Variants in KIF1B observed in about 807,000 individuals in gnomAD.
The protein encoded by KIF1B is kinesin family member 1B.
Under a neutral mutation model 241.9 loss-of-function variants are expected in KIF1B, and 76 were observed. The ratio of observed to expected loss-of-function variants is 0.31; its 90% CI spans 0.26 to 0.38. The LOEUF (loss-of-function observed/expected upper bound fraction) is 0.38. KIF1B is among the 10% of genes least tolerant of loss of function. The pLI, the probability that KIF1B is intolerant of heterozygous loss-of-function variation, is 1.00. For synonymous variants in KIF1B, 750 were observed against 796.7 expected, an observed-to-expected ratio of 0.94 and a Z score of 0.99; for missense variants, 1,622 against 2,271.4, an observed-to-expected ratio of 0.71 and a Z score of 5.81.
In KIF1B at chr1:10,327,053, G is replaced by C. The variant is rs560644130; in HGVS notation, c.2924+694G>C. Among the ~76,000 whole-genome samples the C allele has an allele frequency of 3.3e-5, 5 of 152,244 alleles. No homozygotes were observed. The South Asian group carries it at 8.3e-4, about 25-fold the overall frequency. On this transcript the variant is annotated intron_variant, in intron 27 of 48. Coordinates refer to ENST00000676179, the MANE Select transcript of KIF1B (RefSeq NM_001365951.3). The stretch of plus-strand genomic sequence containing the variant: ...AAATCATCTATTGACCCCATCAGCA[G>C]TGAATATTGGCCAGGCACGGTGGCT...
chr1:10,271,451 C>A, intron 7 of KIF1B, 51 bp from the exon 8 acceptor site: 2 of 1,290,660 alleles, frequency 1.5e-6, no homozygotes, highest in Non-Finnish European at 2.3e-6. Flanking sequence ...ATATTTCCTG[C>A]TTCTATCTTG....
chr1:10,362,615 A>G (rs556818676), intron 40 of KIF1B, among the ~76,000 whole-genome samples: 157 of 152,146 alleles, frequency 1.0e-3, no homozygotes, highest in Non-Finnish European at 2.0e-3. Context: ...ACTACTCACA[A>G]TCCCCAGAAG....
chr1:10,323,415 GT>G (rs576837007), intron 24 of KIF1B, among the ~76,000 whole-genome samples: 1 of 152,162 alleles, frequency 6.6e-6, no homozygotes, highest in Non-Finnish European at 1.5e-5. Flanking sequence ...GAGCTCAGGA[GT>G]TCAAGACCAG....
At chr1:10,332,183 G>A (rs112311877) in intron 27 of KIF1B, among the ~76,000 whole-genome samples, 64 of 151,858 alleles carry the variant, frequency 4.2e-4, no homozygotes, top group African/African-American at 1.5e-3. Flanking sequence ...TCCTGCCTCG[G>A]CGCCCCCGAG....
intron 28 of KIF1B, 117 bp downstream of exon 28, chr1:10,334,755 G>A: frequency 1.3e-6 from 1 of 782,118 alleles, no homozygotes; most frequent in Non-Finnish European, 2.3e-6. Context: ...GTTTGTATGT[G>A]TAATATACAG....
intron 15 of KIF1B, among the ~76,000 whole-genome samples, chr1:10,290,307 ATAT>A (rs1649930376): frequency 6.6e-6 from 1 of 152,050 alleles, no homozygotes; most frequent in Non-Finnish European, 1.5e-5. Flanking sequence ...TCTTATATTT[ATAT>A]AAGTGTAAAC....
At chr1:10,289,451 CTG>C (rs570976222) in intron 15 of KIF1B, among the ~76,000 whole-genome samples, 28 of 152,216 alleles carry the variant, frequency 1.8e-4, no homozygotes, top group Non-Finnish European at 3.2e-4. Context: ...ATCACTGAGT[CTG>C]TGAGGCCTGT....
intron 16 of KIF1B, among the ~76,000 whole-genome samples, chr1:10,291,587 C>T (rs927282295): frequency 1.3e-5 from 2 of 151,926 alleles, no homozygotes; most frequent in African/African-American, 4.8e-5. Flanking sequence ...TGGTGGGCAC[C>T]TGTAGTCCCA....
Position 10,334,790 on chromosome 1 carries a change from A to T in KIF1B, c.3043+152A>T. 1.3e-5 allele frequency: 9 copies of T among 698,956 alleles called. No individual in the cohort carries two copies. The South Asian group carries it at 1.3e-4, about 10-fold the overall frequency. The allele number at this position is 698,956 out of a possible 1,614,324, so 43.3% of individuals were successfully genotyped here. ...GACACATACTTTGGAGAAAGCCTTT[A>T]TTGCTCCTTTCTAGCAATTGTTCCC... On this transcript the variant is annotated intron_variant, in intron 28 of 48. Coordinates refer to ENST00000676179, the MANE Select transcript of KIF1B (RefSeq NM_001365951.3).
At chr1:10,250,446 C>A (rs1647375256) in intron 2 of KIF1B, among the ~76,000 whole-genome samples, 1 of 151,558 alleles carries the variant, frequency 6.6e-6, no homozygotes, top group African/African-American at 2.4e-5. Context: ...TCAAGCAGAT[C>A]TCTTGCCTCA....
chr1:10,326,154 C>T lies in KIF1B; in HGVS notation c.2719C>T (p.Arg907Cys), dbSNP rs1334915559. 6.2e-6 allele frequency: 10 copies of T among 1,614,006 alleles called. No individual in the cohort carries two copies. The highest frequency in any genetic ancestry group is 4.5e-5 in the East Asian group (2 of 44,886). ...CTGTGTGAACGAGCGCCTTGCCGAC[C>T]GCACACCCTCCCCCACTTTTTCCAC... is the stretch of plus-strand genomic sequence containing the variant. ...HGCVNERLAD[R>C]TPSPTFSTAD... Residue 907 changes from arginine to cysteine, a missense_variant, in exon 27 of 49, where the codon CGC becomes TGC. This residue lies in a region of KIF1B where 803 missense variants were observed against 1,112.0 expected (regional missense o/e 0.72). Transcript: ENST00000676179. The surrounding 1 kb of genome is among the most constrained non-coding windows in gnomAD (Gnocchi z 5.2).
At chr1:10,309,941 C>T (rs761195954) in intron 22 of KIF1B, among the ~76,000 whole-genome samples, 5 of 151,374 alleles carry the variant, frequency 3.3e-5, no homozygotes, top group Non-Finnish European at 7.3e-5. Flanking sequence ...CACCTCTGGG[C>T]TCTTGCACTT....
chr1:10,303,201 G>A lies in KIF1B; in HGVS notation c.2115+5955G>A, dbSNP rs1425665077. The A allele has an allele frequency of 2.5e-6, 4 of 1,613,864 alleles. No homozygotes were observed. The highest frequency in any genetic ancestry group is 3.4e-6 in the Non-Finnish European group (4 of 1,179,988). On this transcript the variant is annotated intron_variant, in intron 22 of 48. Coordinates refer to ENST00000676179, the MANE Select transcript of KIF1B (RefSeq NM_001365951.3). The surrounding 1 kb of genome is among the most constrained non-coding windows in gnomAD (Gnocchi z 5.2). ...ATAGCGGGGACGATTCTGACAAGAG[G>A]TCGTGTGAAGAGAGCTGGAAACTGA...
rs949633489 is a variant in KIF1B, at chr1:10,378,229, G to A, written c.*1642G>A. On this transcript the variant is annotated 3_prime_UTR_variant, in exon 49 of 49. Coordinates refer to ENST00000676179, the MANE Select transcript of KIF1B (RefSeq NM_001365951.3). ...GCACGGATGAACGTCCAGGGAGCCC[G>A]GGCCCCAGGCTTTGTTGCGTGTTCC... The A allele has an allele frequency of 2.0e-5, 14 of 691,732 alleles. No individual in the cohort carries two copies. Among genetic ancestry groups the A allele is most frequent in the East Asian group, 2.7e-5 (1 of 37,042 alleles). 42.8% of individuals were successfully genotyped at this position (691,732 alleles called of 1,614,324 possible).
chr1:10,280,484 T>A (rs551372470), intron 14 of KIF1B, among the ~76,000 whole-genome samples: 1 of 152,298 alleles, frequency 6.6e-6, no homozygotes, highest in East Asian at 1.9e-4. Context: ...TCCTCCTGCC[T>A]TGGCCTCCCA....
At chr1:10,330,999 G>T (rs1173715337) in intron 27 of KIF1B, among the ~76,000 whole-genome samples, 1 of 151,838 alleles carries the variant, frequency 6.6e-6, no homozygotes, top group Non-Finnish European at 1.5e-5. Context: ...GGTAGCTCAC[G>T]CCTGTAATCC....
At chr1:10,317,890 G>A (rs1209147107) in intron 22 of KIF1B, among the ~76,000 whole-genome samples, 6 of 151,084 alleles carry the variant, frequency 4.0e-5, no homozygotes, top group Non-Finnish European at 5.9e-5. Context: ...GGGCTTTCAC[G>A]TGTTTTTAAA....
chr1:10,213,196 T>A (rs1646720558), intron 1 of KIF1B, among the ~76,000 whole-genome samples: 1 of 152,108 alleles, frequency 6.6e-6, no homozygotes, highest in South Asian at 2.1e-4. Context: ...ATATTTTTGA[T>A]TAAAAATAAT....
At chr1:10,334,815 C>G (rs1279775601) in intron 28 of KIF1B, among the ~76,000 whole-genome samples, 177 bp downstream of exon 28, 1 of 152,208 alleles carries the variant, frequency 6.6e-6, no homozygotes, top group Non-Finnish European at 1.5e-5. Context: ...CAATTGTTCC[C>G]AAGTATCACA....
Sources: gnomAD v4.1 joint callset for allele counts (sites outside exome capture counted in the v4.1 genomes callset) on GRCh38, gnomAD v4.1.1 for gene constraint, gnomAD v4.1.1 regional missense constraint, Gnocchi (gnomAD v3.1) non-coding constraint, MANE v1.5 for transcripts, NCBI Gene and HGNC (gene_info 2026-07-23, HGNC 2026-07-21) for gene names.